UNC5C: variants seen among roughly 807,000 people sequenced by gnomAD.
UNC5C encodes unc-5 netrin receptor C.
UNC5C carries 47 observed loss-of-function variants against 99.8 expected under a neutral mutation model. The observed-to-expected ratio is 0.47, with a 90% CI of 0.37 to 0.60. UNC5C has a LOEUF of 0.60. UNC5C is among the 20% of genes least tolerant of loss of function. The probability of loss-of-function intolerance (pLI) is 0.00; values close to 1 mark genes in which losing one functional copy is unlikely to be tolerated. For missense variants in UNC5C, 1,062 were observed against 1,165.9 expected, an observed-to-expected ratio of 0.91 and a Z score of 1.30; for synonymous variants, 487 against 452.2, an observed-to-expected ratio of 1.08 and a Z score of -0.98.
intron 12 of UNC5C, among the ~76,000 whole-genome samples, chr4:95,192,231 CT>C (rs1737155028): frequency 6.9e-6 from 1 of 144,806 alleles, no homozygotes; most frequent in Non-Finnish European, 1.5e-5. Flanking sequence ...CCCTCCTCTG[CT>C]CACCCTCCTC....
chr4:95,337,486 T>C (rs927762695), intron 1 of UNC5C, among the ~76,000 whole-genome samples: 2 of 151,970 alleles, frequency 1.3e-5, no homozygotes, highest in African/African-American at 2.4e-5. Flanking sequence ...TGCCAAAGCA[T>C]GTATCTCTTT....
At chr4:95,502,232 A>G (rs7699974) in intron 1 of UNC5C, among the ~76,000 whole-genome samples, 14,478 of 152,214 alleles carry the variant, frequency 0.095, 1,842 homozygotes, top group African/African-American at 0.29. Context: ...AAACTGGATT[A>G]GAAACTTTAT....
chr4:95,415,545 G>T (rs967598137), intron 1 of UNC5C, among the ~76,000 whole-genome samples: 2 of 152,040 alleles, frequency 1.3e-5, no homozygotes, highest in Non-Finnish European at 1.5e-5. Context: ...TTTATTGAGG[G>T]TTGTTTATGT....
intron 1 of UNC5C, among the ~76,000 whole-genome samples, chr4:95,486,361 T>C (rs2149479808): frequency 6.6e-6 from 1 of 151,816 alleles, no homozygotes; most frequent in East Asian, 2.0e-4. Context: ...GCCTTCACCA[T>C]CCACAATCCC....
At chr4:95,491,053 AG>A (rs1271907349) in intron 1 of UNC5C, among the ~76,000 whole-genome samples, 1 of 151,590 alleles carries the variant, frequency 6.6e-6, no homozygotes, top group African/African-American at 2.4e-5. Flanking sequence ...ATCAATGGGA[AG>A]GTGGTAGCAG....
rs1040593526 is a variant in UNC5C, at chr4:95,163,729, A to G, written c.*5505T>C. 2.0e-5 allele frequency: 3 copies of G among 152,210 alleles called. No individual in the cohort carries two copies. Among genetic ancestry groups the G allele is most frequent in the South Asian group, 2.1e-4 (1 of 4,830 alleles). The allele number at this position is 152,210 out of a possible 1,614,324, so 9.4% of individuals were successfully genotyped here. A position where few individuals can be genotyped will look rare whatever the true frequency, so the allele number is the denominator to read the frequency against. On this transcript the variant is annotated 3_prime_UTR_variant, in exon 16 of 16. Coordinates refer to ENST00000453304, the MANE Select transcript of UNC5C (RefSeq NM_003728.4). ...TACTATGGCAGGTGGGCAGCTGACTATATCTCAGGGTAGCTTCCTTGTTTC... is the reference window on the plus strand; with the variant it reads ...TACTATGGCAGGTGGGCAGCTGACTGTATCTCAGGGTAGCTTCCTTGTTTC...
intron 7 of UNC5C, among the ~76,000 whole-genome samples, chr4:95,235,667 G>T (rs866370650): frequency 3.3e-5 from 5 of 152,190 alleles, no homozygotes; most frequent in African/African-American, 2.4e-5. Context: ...TGTATAAGGT[G>T]TAAGGAAGGG....
intron 1 of UNC5C, among the ~76,000 whole-genome samples, chr4:95,354,479 A>ATATATATATATATATTTTTTT: frequency 6.3e-5 from 7 of 110,338 alleles, no homozygotes; most frequent in African/African-American, 2.4e-4. Flanking sequence ...ATATATATAT[A>ATATATATATATATATTTTTTT]TTTTTTTTTT....
In UNC5C at chr4:95,452,273, A is replaced by T. The variant is rs146833581; in HGVS notation, c.124+96461T>A. Among the ~76,000 whole-genome samples the T allele has an allele frequency of 1.1e-4, 17 of 152,196 alleles. No homozygotes were observed. In the East Asian group the frequency reaches 3.3e-3, roughly 29 times the overall value. Reference sequence around the variant, plus strand: ...CTTTCTGATAAAAAAAAAATCCCACATACTTCATTTTCCCTAAAGAGCAGC... The same window carrying T: ...CTTTCTGATAAAAAAAAAATCCCACTTACTTCATTTTCCCTAAAGAGCAGC... On this transcript the variant is annotated intron_variant, in intron 1 of 15. Coordinates refer to ENST00000453304, the MANE Select transcript of UNC5C (RefSeq NM_003728.4).
chr4:95,182,714 AT>A (rs941925441), intron 14 of UNC5C, among the ~76,000 whole-genome samples, 182 bp downstream of exon 14: 1 of 152,032 alleles, frequency 6.6e-6, no homozygotes, highest in African/African-American at 2.4e-5. Context: ...ATATATATAT[AT>A]TTTTTTCTGC....
intron 14 of UNC5C, among the ~76,000 whole-genome samples, chr4:95,173,156 T>G (rs1446284920): frequency 2.0e-5 from 3 of 151,322 alleles, no homozygotes; most frequent in Non-Finnish European, 4.4e-5. Flanking sequence ...ACGATGGGGT[T>G]TTCTAGATAT....
At chr4:95,281,025 A>G (rs1741038211) in intron 3 of UNC5C, among the ~76,000 whole-genome samples, 1 of 152,198 alleles carries the variant, frequency 6.6e-6, no homozygotes. Flanking sequence ...TACCAATAAA[A>G]AGAGCAGCAG....
intron 7 of UNC5C, among the ~76,000 whole-genome samples, chr4:95,239,807 CAAAT>C (rs1166395034): frequency 5.9e-5 from 9 of 152,148 alleles, no homozygotes; most frequent in Non-Finnish European, 1.2e-4. Context: ...AACAAATTAA[CAAAT>C]AAATATCAAC....
chr4:95,193,630 T>C (rs1234038331), intron 12 of UNC5C, among the ~76,000 whole-genome samples: 1 of 152,220 alleles, frequency 6.6e-6, no homozygotes, highest in African/African-American at 2.4e-5. Flanking sequence ...CATTTGGGGC[T>C]GAGAAATCTG....
At position 95,169,179 on chromosome 4, in the gene UNC5C, C is replaced by T. The variant is rs557530818; in HGVS notation, c.*55G>A. The T allele has an allele frequency of 4.4e-5, 70 of 1,597,106 alleles. No individual in the cohort carries two copies. The highest frequency in any genetic ancestry group is 3.6e-4 in the African/African-American group (27 of 74,802). On this transcript the variant is annotated 3_prime_UTR_variant, in exon 16 of 16. Transcript: ENST00000453304. ...CCTCCTCAGCTGTGATTCACCTGGA[C>T]GGCCACAGACTCCCTGTGCATTTTT... is the stretch of plus-strand genomic sequence containing the variant.
chr4:95,290,566 A>C (rs1741405461), intron 3 of UNC5C, among the ~76,000 whole-genome samples: 1 of 152,210 alleles, frequency 6.6e-6, no homozygotes, highest in Non-Finnish European at 1.5e-5. Context: ...TAATATTTCC[A>C]TGATTCTGTT....
At chr4:95,291,230 T>G in intron 3 of UNC5C, among the ~76,000 whole-genome samples, 1 of 152,224 alleles carries the variant, frequency 6.6e-6, no homozygotes, top group East Asian at 1.9e-4. Context: ...AAAAAATGAT[T>G]ATATGTCATC....
intron 1 of UNC5C, among the ~76,000 whole-genome samples, chr4:95,392,000 T>A (rs760031269): frequency 4.6e-5 from 7 of 152,152 alleles, no homozygotes; most frequent in Non-Finnish European, 8.8e-5. Context: ...GAGGCTGCAG[T>A]GAGCTGTGTT....
intron 1 of UNC5C, among the ~76,000 whole-genome samples, chr4:95,356,203 A>G (rs1417013836): frequency 7.5e-6 from 1 of 133,622 alleles, no homozygotes; most frequent in South Asian, 2.4e-4. Context: ...CAAAAAAAAA[A>G]AAAAAAAAAC....
Sources: allele counts gnomAD v4.1 joint callset (sites outside exome capture counted in the v4.1 genomes callset), GRCh38; gene constraint gnomAD v4.1.1; transcripts MANE v1.5; gene names NCBI Gene and HGNC (gene_info 2026-07-23, HGNC 2026-07-21).